Variants in AKR1C8 observed in about 807,000 individuals in gnomAD.
AKR1C8 encodes aldo-keto reductase family 1 member C8.
At chr10:5,144,122 A>C in the AKR1C8 span, among the ~76,000 whole-genome samples, 4,810 of 152,240 alleles carry the variant, frequency 0.032, 258 homozygotes, top group African/African-American at 0.11. Flanking sequence ...ACCATTTATT[A>C]AATAGGGAAT....
At chr10:5,161,456 C>T in the AKR1C8 span, among the ~76,000 whole-genome samples, 7 of 152,302 alleles carry the variant, frequency 4.6e-5, 1 homozygote, top group Admixed American at 3.9e-4. Flanking sequence ...AGGGTACATA[C>T]GGGAGACCCT....
chr10:5,178,418 A>G, the AKR1C8 span, among the ~76,000 whole-genome samples: 1 of 152,068 alleles, frequency 6.6e-6, no homozygotes. Flanking sequence ...TCAATTTTGG[A>G]ATAGGTGTGG....
the AKR1C8 span, among the ~76,000 whole-genome samples, chr10:5,116,499 T>C: frequency 6.6e-6 from 1 of 152,152 alleles, no homozygotes; most frequent in African/African-American, 2.4e-5. Flanking sequence ...AGAGTACTAA[T>C]ACATTGGATG....
At chr10:5,141,425 T>G in the AKR1C8 span, among the ~76,000 whole-genome samples, 1 of 152,174 alleles carries the variant, frequency 6.6e-6, no homozygotes, top group South Asian at 2.1e-4. Flanking sequence ...CATTTTCTTA[T>G]GAATTTCTTA....
chr10:5,121,756 CTTT>C, the AKR1C8 span, among the ~76,000 whole-genome samples: 1 of 152,018 alleles, frequency 6.6e-6, no homozygotes, highest in Non-Finnish European at 1.5e-5. Context: ...ATTAATTTTT[CTTT>C]TTTTAGCATA....
At chr10:5,115,941 C>A in the AKR1C8 span, among the ~76,000 whole-genome samples, 3 of 152,222 alleles carry the variant, frequency 2.0e-5, no homozygotes, top group South Asian at 6.2e-4. Flanking sequence ...TGATGACTAC[C>A]TTCTTCTACT....
chr10:5,140,242 T>C, the AKR1C8 span, among the ~76,000 whole-genome samples: 1 of 152,170 alleles, frequency 6.6e-6, no homozygotes, highest in African/African-American at 2.4e-5. Flanking sequence ...AGTGTGGCGA[T>C]TTCTCAAGGA....
At chr10:5,118,631 T>A in the AKR1C8 span, among the ~76,000 whole-genome samples, 6 of 152,116 alleles carry the variant, frequency 3.9e-5, no homozygotes, top group African/African-American at 1.4e-4. Context: ...GATTGACATA[T>A]AAGAGGGCGA....
At chr10:5,123,734 C>G in the AKR1C8 span, 2 of 1,612,916 alleles carry the variant, frequency 1.2e-6, no homozygotes, top group African/African-American at 1.3e-5. Context: ...GTTGGGTTCC[C>G]AGAGCACTGT....
At chr10:5,130,200 G>C in the AKR1C8 span, among the ~76,000 whole-genome samples, 1 of 151,728 alleles carries the variant, frequency 6.6e-6, no homozygotes, top group Non-Finnish European at 1.5e-5. Flanking sequence ...TGCAAAAAAA[G>C]CAATTGGTAA....
the AKR1C8 span, among the ~76,000 whole-genome samples, chr10:5,135,958 G>A: frequency 6.6e-6 from 1 of 151,930 alleles, no homozygotes; most frequent in South Asian, 2.1e-4. Flanking sequence ...AGGGTTCAAA[G>A]GAAAAAGAAA....
the AKR1C8 span, chr10:5,123,579 G>A: frequency 1.2e-6 from 1 of 800,588 alleles, no homozygotes; most frequent in Non-Finnish European, 1.9e-6. Flanking sequence ...CATCACCTGG[G>A]ATCTCGTCAG....
the AKR1C8 span, chr10:5,185,097 G>C: frequency 1.3e-5 from 7 of 534,578 alleles, no homozygotes; most frequent in Non-Finnish European, 1.2e-5. Context: ...CTTCAGATCC[G>C]TCATCATCCC....
the AKR1C8 span, among the ~76,000 whole-genome samples, chr10:5,128,852 C>T: frequency 3.9e-5 from 6 of 152,036 alleles, no homozygotes; most frequent in Admixed American, 3.3e-4. Context: ...ACTCAATACT[C>T]CACTGTACAG....
chr10:5,176,992 T>G, the AKR1C8 span, among the ~76,000 whole-genome samples: 1 of 152,050 alleles, frequency 6.6e-6, no homozygotes, highest in Admixed American at 6.6e-5. Flanking sequence ...CTAATTGCCC[T>G]GGCCAGAACT....
At chr10:5,140,316 T>C in the AKR1C8 span, among the ~76,000 whole-genome samples, 2 of 152,210 alleles carry the variant, frequency 1.3e-5, no homozygotes, top group African/African-American at 4.8e-5. Flanking sequence ...CAAAGGATTA[T>C]AAATCATGCT....
the AKR1C8 span, among the ~76,000 whole-genome samples, chr10:5,150,374 A>G: frequency 3.3e-5 from 5 of 151,966 alleles, no homozygotes; most frequent in Non-Finnish European, 7.4e-5. Flanking sequence ...GCCATACACC[A>G]ATTTAACATA....
At chr10:5,169,389 C>T in the AKR1C8 span, among the ~76,000 whole-genome samples, 7 of 152,226 alleles carry the variant, frequency 4.6e-5, no homozygotes, top group East Asian at 5.8e-4. Flanking sequence ...AGGAGCAACA[C>T]GGTCTGTAGA....
the AKR1C8 span, among the ~76,000 whole-genome samples, chr10:5,150,184 C>A: frequency 1.3e-5 from 2 of 152,044 alleles, no homozygotes; most frequent in Non-Finnish European, 2.9e-5. Flanking sequence ...TACAAAAATG[C>A]ATTTAAATGT....
Sources: gnomAD v4.1 joint callset for allele counts (sites outside exome capture counted in the v4.1 genomes callset) on GRCh38, gnomAD v4.1.1 for gene constraint, MANE v1.5 for transcripts, NCBI Gene and HGNC (gene_info 2026-07-23, HGNC 2026-07-21) for gene names.